Variants in WNK2 observed in about 807,000 individuals in gnomAD.
The protein encoded by WNK2 is WNK lysine deficient protein kinase 2.
WNK2 carries 67 observed loss-of-function variants against 192.1 expected under a neutral mutation model. That is an observed-to-expected ratio of 0.35 (90% CI 0.29 to 0.43). The LOEUF (loss-of-function observed/expected upper bound fraction) is 0.43. WNK2 is among the 20% of genes least tolerant of loss of function. WNK2 has a pLI of 1.00. For missense variants in WNK2, 2,698 were observed against 3,089.7 expected (o/e 0.87, Z 3.01); for synonymous variants, 1,439 against 1,393.9 (o/e 1.03, Z -0.72).
intron 2 of WNK2, among the ~76,000 whole-genome samples, chr9:93,226,434 G>C (rs1053600238): frequency 6.6e-6 from 1 of 151,834 alleles, no homozygotes; most frequent in Non-Finnish European, 1.5e-5. Flanking sequence ...TCTCTCATTT[G>C]GTCTTTGGAT....
At chr9:93,308,909 T>C in intron 28 of WNK2, 2 of 1,179,324 alleles carry the variant, frequency 1.7e-6, no homozygotes, top group Non-Finnish European at 2.1e-6. Context: ...AGCCCTGGTC[T>C]TGGCAGACAG....
chr9:93,252,811 G>A (rs1423733460), intron 8 of WNK2, 72 bp from the exon 9 acceptor site: 3 of 1,275,764 alleles, frequency 2.4e-6, no homozygotes, highest in African/African-American at 3.1e-5. Flanking sequence ...AAGAAAATAT[G>A]CAGATGAGCC....
intron 23 of WNK2, among the ~76,000 whole-genome samples, chr9:93,295,801 T>C: frequency 1.8e-5 from 2 of 112,028 alleles, no homozygotes; most frequent in African/African-American, 3.5e-5. Context: ...TCTCTCCAGC[T>C]TCCCCTCACT....
At position 93,253,620 on chromosome 9, in the gene WNK2, G is replaced by A. The variant is rs368503283; in HGVS notation, c.2034+538G>A. ...TCCTGGCACTTCTCTCCCAGATATTGTGTAGCGGTTAAAGTCAGAGCTATG... is the reference window on the plus strand; with the variant it reads ...TCCTGGCACTTCTCTCCCAGATATTATGTAGCGGTTAAAGTCAGAGCTATG... On this transcript the variant is annotated intron_variant, in intron 9 of 29. Coordinates refer to ENST00000427277, the MANE Select transcript of WNK2 (RefSeq NM_006648.4). Among the ~76,000 whole-genome samples, 23 of 152,190 alleles carry A rather than the reference G, an allele frequency of 1.5e-4. No homozygotes were observed. The East Asian group carries it at 1.9e-3, about 13-fold the overall frequency.
chr9:93,267,741 T>G lies in WNK2; in HGVS notation c.3697-5T>G, dbSNP rs1328944764. On this transcript the variant is annotated splice_region_variant and splice_polypyrimidine_tract_variant and intron_variant, in intron 16 of 29. Coordinates refer to ENST00000427277, the MANE Select transcript of WNK2 (RefSeq NM_006648.4). ...GGTCCTCACTGGCAGTATGTCCCTT[T>G]GCAGGTGGAGCATGACTTTATCCTG... 1 of 1,581,262 alleles carries G rather than the reference T, an allele frequency of 6.3e-7. No individual in the cohort carries two copies. Among genetic ancestry groups the G allele is most frequent in the Non-Finnish European group, 8.6e-7 (1 of 1,162,558 alleles).
rs1841941754 is a variant in WNK2, at chr9:93,247,564, G to A, written c.1564G>A (p.Glu522Lys). 1.2e-6 allele frequency: 2 copies of A among 1,610,214 alleles called. No homozygotes were observed. Among genetic ancestry groups the A allele is most frequent in the Non-Finnish European group, 1.7e-6 (2 of 1,178,600 alleles). Residue 522 changes from glutamate to lysine, a missense_variant, in exon 8 of 30, where the codon GAG becomes AAG. Glu to Lys is a moderately conservative substitution (Grantham distance 56). Transcript: ENST00000427277. This position sits in a 1 kb window ranked among gnomAD's most constrained non-coding sequence, Gnocchi z 5.2. ...ACAGATTGAGTCTGGATTCTTCCAC[G>A]AGAGTGACGTCAAGATCGTGGCCAA... ...QEMIESGFFH[E>K]SDVKIVAKSI...
intron 4 of WNK2, among the ~76,000 whole-genome samples, chr9:93,231,773 T>C (rs936625928): frequency 1.3e-5 from 2 of 152,228 alleles, no homozygotes; most frequent in Non-Finnish European, 2.9e-5. Flanking sequence ...CAGCCTTCTT[T>C]TGGGGCGAGA....
intron 2 of WNK2, among the ~76,000 whole-genome samples, chr9:93,210,582 C>T (rs981966721): frequency 2.0e-5 from 3 of 152,150 alleles, no homozygotes; most frequent in African/African-American, 7.2e-5. Flanking sequence ...TCACTCAGAT[C>T]TGTCCACCTC....
intron 8 of WNK2, among the ~76,000 whole-genome samples, chr9:93,252,184 G>A (rs542449970): frequency 1.1e-3 from 168 of 152,300 alleles, no homozygotes; most frequent in Non-Finnish European, 1.9e-3. Flanking sequence ...CAGGCACACC[G>A]TAGTATGAGA....
At chr9:93,273,356 C>T (rs1846286842) in intron 19 of WNK2, among the ~76,000 whole-genome samples, 1 of 152,200 alleles carries the variant, frequency 6.6e-6, no homozygotes, top group Non-Finnish European at 1.5e-5. Flanking sequence ...AGGGTTTCAC[C>T]ATGTTGGCCA....
intron 2 of WNK2, among the ~76,000 whole-genome samples, chr9:93,195,295 T>G (rs1831041258): frequency 6.6e-6 from 1 of 152,128 alleles, no homozygotes; most frequent in African/African-American, 2.4e-5. Context: ...TGTGTGTGGG[T>G]GTGAGGGAGT....
chr9:93,313,580 A>C (rs1263099788), intron 28 of WNK2, among the ~76,000 whole-genome samples: 4 of 152,116 alleles, frequency 2.6e-5, no homozygotes, highest in African/African-American at 7.2e-5. Context: ...TTGCAAAAAG[A>C]ATTTGAGGTC....
chr9:93,248,615 A>G (rs1039546841), intron 8 of WNK2, among the ~76,000 whole-genome samples: 1 of 152,138 alleles, frequency 6.6e-6, no homozygotes, highest in African/African-American at 2.4e-5. Flanking sequence ...CCCCCGTAGT[A>G]TCTCCCTTCT....
At chr9:93,230,854 C>A in intron 3 of WNK2, 34 bp from the exon 4 acceptor site, 1 of 1,592,784 alleles carries the variant, frequency 6.3e-7, no homozygotes, top group Non-Finnish European at 8.6e-7. Flanking sequence ...TGCCGGCGAG[C>A]TGCTTGGTGA....
intron 26 of WNK2, among the ~76,000 whole-genome samples, chr9:93,306,335 C>T (rs975401153): frequency 5.3e-5 from 8 of 152,200 alleles, no homozygotes; most frequent in East Asian, 1.9e-4. Flanking sequence ...CGATGGGCTT[C>T]GGCGGCCAAG....
At position 93,192,259 on chromosome 9, in the gene WNK2, G is replaced by A. The variant is rs143155209; in HGVS notation, c.681+6649G>A. On this transcript the variant is annotated intron_variant, in intron 2 of 29. Transcript: ENST00000427277. ...AACCCAGGAGGCGGAGGTTGAGTGA[G>A]CCGAGATCGCACCACTGCACTCCAG... 4.4e-4 allele frequency among the ~76,000 whole-genome samples: 67 copies of A among 152,100 alleles called. No homozygotes were observed. In the East Asian group the frequency reaches 8.9e-3, roughly 20 times the overall value.
At chr9:93,294,688 G>A (rs758381384) in intron 23 of WNK2, among the ~76,000 whole-genome samples, 1 of 152,180 alleles carries the variant, frequency 6.6e-6, no homozygotes, top group African/African-American at 2.4e-5. Flanking sequence ...TGGGTGACAG[G>A]GGCCAGGAGC....
chr9:93,303,463 C>T (rs770657517), intron 26 of WNK2, among the ~76,000 whole-genome samples: 1 of 152,220 alleles, frequency 6.6e-6, no homozygotes, highest in Non-Finnish European at 1.5e-5. Flanking sequence ...AGGGACCCTC[C>T]GGTGTCACTG....
Position 93,292,558 on chromosome 9 carries a change from A to G in WNK2, c.5093A>G (p.Glu1698Gly). The change falls in exon 23 of 30, where the codon GAA (glutamate) becomes GGA (glycine). Residue 1698 changes from glutamate to glycine, a missense_variant. Glu to Gly is a moderately conservative substitution (Grantham distance 98, BLOSUM62 -2). This residue lies in a region of WNK2 where 1,098 missense variants were observed against 1,101.0 expected (regional missense o/e 1.00). Coordinates refer to ENST00000427277, the MANE Select transcript of WNK2 (RefSeq NM_006648.4). ...PTDRDGGEAG[E>G]SSAEPPPSDM... ...GACAGGGATGGTGGAGAAGCTGGAG[A>G]AAGCTCGGCAGAGCCCCCGCCGAGT... is the stretch of plus-strand genomic sequence containing the variant. 6.4e-7 allele frequency: 1 copy of G among 1,570,304 alleles called. No individual in the cohort carries two copies.
Sources: gnomAD v4.1 joint callset for allele counts (sites outside exome capture counted in the v4.1 genomes callset) on GRCh38, gnomAD v4.1.1 for gene constraint, gnomAD v4.1.1 regional missense constraint, Gnocchi (gnomAD v3.1) non-coding constraint, MANE v1.5 for transcripts, NCBI Gene and HGNC (gene_info 2026-07-23, HGNC 2026-07-21) for gene names.